Variants in RABGAP1L observed in about 807,000 individuals in gnomAD.
The protein encoded by RABGAP1L is RAB GTPase activating protein 1 like.
In RABGAP1L, 63 loss-of-function variants were observed where a neutral mutation model predicts 137.7. That is an observed-to-expected ratio of 0.46 (90% CI 0.37 to 0.56). The LOEUF is 0.56. Among genes scored for constraint, RABGAP1L ranks in the 20% least tolerant of loss-of-function variants. The pLI is 0.00. For missense variants in RABGAP1L, 1,095 were observed against 1,244.0 expected (o/e 0.88, Z 1.80); for synonymous variants, 431 against 433.7 (o/e 0.99, Z 0.08).
At chr1:174,839,555 A>G (rs1000241580) in intron 19 of RABGAP1L, among the ~76,000 whole-genome samples, 2 of 152,238 alleles carry the variant, frequency 1.3e-5, no homozygotes, top group African/African-American at 2.4e-5. Context: ...ATTGTTTAAG[A>G]GAGGTGATGC....
chr1:174,259,064 C>CA (rs1673359608), intron 7 of RABGAP1L, among the ~76,000 whole-genome samples: 1 of 151,428 alleles, frequency 6.6e-6, no homozygotes, highest in African/African-American at 2.4e-5. Context: ...GCTGGGATTA[C>CA]AAGTGTGAGC....
intron 10 of RABGAP1L, among the ~76,000 whole-genome samples, chr1:174,300,350 A>G (rs1677558322): frequency 6.6e-6 from 1 of 151,106 alleles, no homozygotes; most frequent in Admixed American, 6.6e-5. Context: ...ACGTGGAGAA[A>G]CTCCATCTCT....
At chr1:174,731,863 A>G (rs941908665) in intron 17 of RABGAP1L, among the ~76,000 whole-genome samples, 2 of 152,218 alleles carry the variant, frequency 1.3e-5, no homozygotes, top group African/African-American at 4.8e-5. Flanking sequence ...TTCTTATTTT[A>G]AAATCAGAAA....
At chr1:174,177,674 G>A (rs1432578682) in intron 1 of RABGAP1L, among the ~76,000 whole-genome samples, 1 of 152,104 alleles carries the variant, frequency 6.6e-6, no homozygotes, top group African/African-American at 2.4e-5. Flanking sequence ...GTAAGGAAGG[G>A]GTCCAGTTTC....
intron 12 of RABGAP1L, among the ~76,000 whole-genome samples, chr1:174,384,459 C>G (rs1408529562): frequency 2.0e-5 from 3 of 151,572 alleles, no homozygotes. Context: ...AAAAAAAGCC[C>G]TGAGTTTTAA....
chr1:174,278,834 T>A lies in RABGAP1L; in HGVS notation c.1323+55T>A, dbSNP rs1388401693. 9.2e-6 allele frequency: 12 copies of A among 1,305,492 alleles called. No individual in the cohort carries two copies. In the South Asian group the frequency reaches 2.4e-4, roughly 26 times the overall value. 80.9% of individuals were successfully genotyped at this position (1,305,492 alleles called of 1,614,324 possible). A position where few individuals can be genotyped will look rare whatever the true frequency, so the allele number is the denominator to read the frequency against. ...GTAACAAACATTTTTCTTTCCACAC[T>A]TCTTTTTTAATGCCAAGATAATTCC... On this transcript the variant is annotated intron_variant, in intron 10 of 25. Transcript: ENST00000681986.
chr1:174,800,138 T>A (rs1156232610), intron 18 of RABGAP1L: 1 of 1,374,946 alleles, frequency 7.3e-7, no homozygotes, highest in Non-Finnish European at 9.4e-7. Flanking sequence ...CATTTTCCAG[T>A]CTACTTTGGG....
At chr1:174,187,915 A>C (rs868231945) in intron 1 of RABGAP1L, among the ~76,000 whole-genome samples, 15 of 152,188 alleles carry the variant, frequency 9.9e-5, no homozygotes, top group African/African-American at 3.6e-4. Context: ...AATATAGATA[A>C]TTAAAACTAA....
At chr1:174,980,926 G>T (rs1395809181) in intron 23 of RABGAP1L, among the ~76,000 whole-genome samples, 2 of 149,300 alleles carry the variant, frequency 1.3e-5, no homozygotes, top group African/African-American at 4.9e-5. Context: ...TTTTTTGCTA[G>T]ACGAGAAAAC....
rs180793578 is a variant in RABGAP1L, at chr1:174,558,034, G to A, written c.1711-79341G>A. 3.9e-5 allele frequency among the ~76,000 whole-genome samples: 6 copies of A among 152,302 alleles called. No individual in the cohort carries two copies. The East Asian group carries it at 7.7e-4, about 20-fold the overall frequency. ...AGTTACACTGCAGCCTTTTGCAGCCGCTTCCTTATCCCCTGAAGGGGAATG... is the reference window on the plus strand; with the variant it reads ...AGTTACACTGCAGCCTTTTGCAGCCACTTCCTTATCCCCTGAAGGGGAATG... On this transcript the variant is annotated intron_variant, in intron 13 of 25. Transcript: ENST00000681986.
Position 174,569,968 on chromosome 1 carries a change from A to G in RABGAP1L, c.1711-67407A>G, listed in dbSNP as rs139852696. Among the ~76,000 whole-genome samples, 829 of 152,326 alleles carry G rather than the reference A, an allele frequency of 5.4e-3. 2 individuals are homozygous for G. Among genetic ancestry groups the G allele is most frequent in the Middle Eastern group, 0.01 (3 of 294 alleles). On this transcript the variant is annotated intron_variant, in intron 13 of 25. Coordinates refer to ENST00000681986, the MANE Select transcript of RABGAP1L (RefSeq NM_001366446.1). ...GATGTATAAATGGCTTTTGGGAAAAAATGATATCTAACTTTAAGTTAAGAA... is the reference window on the plus strand; with the variant it reads ...GATGTATAAATGGCTTTTGGGAAAAGATGATATCTAACTTTAAGTTAAGAA...
chr1:174,635,653 A>G (rs1673952181), intron 13 of RABGAP1L, among the ~76,000 whole-genome samples: 1 of 152,112 alleles, frequency 6.6e-6, no homozygotes, highest in African/African-American at 2.4e-5. Context: ...CTCTATTTTA[A>G]TTCAGGTTTA....
intron 17 of RABGAP1L, among the ~76,000 whole-genome samples, chr1:174,744,146 A>G (rs1320990104): frequency 6.8e-6 from 1 of 147,674 alleles, no homozygotes; most frequent in African/African-American, 2.5e-5. Context: ...TGCAATCCTG[A>G]CCTCTAGTGG....
chr1:174,803,053 C>T (rs1410569202), intron 18 of RABGAP1L, among the ~76,000 whole-genome samples: 1 of 152,036 alleles, frequency 6.6e-6, no homozygotes, highest in Non-Finnish European at 1.5e-5. Flanking sequence ...TTTAAGATCC[C>T]ATTATTTTTT....
At chr1:174,909,203 A>G (rs1659650019) in intron 19 of RABGAP1L, among the ~76,000 whole-genome samples, 1 of 151,828 alleles carries the variant, frequency 6.6e-6, no homozygotes, top group Non-Finnish European at 1.5e-5. Context: ...AAAGTACTAA[A>G]AAGGAAATTT....
intron 17 of RABGAP1L, among the ~76,000 whole-genome samples, chr1:174,751,791 T>C (rs990229164): frequency 6.6e-5 from 10 of 152,182 alleles, no homozygotes; most frequent in Admixed American, 2.0e-4. Context: ...TTGAAAGCAA[T>C]TGCTAAAACA....
intron 4 of RABGAP1L, among the ~76,000 whole-genome samples, chr1:174,238,292 G>C (rs1043997249): frequency 2.6e-5 from 4 of 152,164 alleles, no homozygotes; most frequent in African/African-American, 7.2e-5. Context: ...CTCCATCCAG[G>C]TTTGTTCCGT....
At chr1:174,373,770 A>C (rs746991406) in intron 12 of RABGAP1L, among the ~76,000 whole-genome samples, 1 of 152,098 alleles carries the variant, frequency 6.6e-6, no homozygotes, top group African/African-American at 2.4e-5. Context: ...CATCACTATT[A>C]CTCATGGGCA....
intron 17 of RABGAP1L, among the ~76,000 whole-genome samples, chr1:174,716,124 G>A (rs947418611): frequency 6.6e-6 from 1 of 152,076 alleles, no homozygotes; most frequent in Non-Finnish European, 1.5e-5. Context: ...TTAAGTTTAC[G>A]TTATTTTTAT....
Sources: gnomAD v4.1 joint callset for allele counts (sites outside exome capture counted in the v4.1 genomes callset) on GRCh38, gnomAD v4.1.1 for gene constraint, MANE v1.5 for transcripts, NCBI Gene and HGNC (gene_info 2026-07-23, HGNC 2026-07-21) for gene names.